Variants in PI4KA observed in about 807,000 individuals in gnomAD.
PI4KA encodes PI4-kinase alpha.
A neutral mutation model predicts 271.4 loss-of-function variants in PI4KA; 122 were observed. The observed-to-expected ratio is 0.45, with a 90% CI of 0.39 to 0.52. The LOEUF (loss-of-function observed/expected upper bound fraction) is 0.52. Among genes scored for constraint, PI4KA ranks in the 20% least tolerant of loss-of-function variants. The pLI is 0.00. For missense variants in PI4KA, 1,969 were observed against 2,769.1 expected (o/e 0.71, Z 6.48); for synonymous variants, 1,041 against 1,078.8 (o/e 0.96, Z 0.69).
At chr22:20,730,407 TG>T (rs1422719381) in intron 36 of PI4KA, among the ~76,000 whole-genome samples, 1 of 151,870 alleles carries the variant, frequency 6.6e-6, no homozygotes, top group Non-Finnish European at 1.5e-5. Flanking sequence ...CCCAAGTAGC[TG>T]GGATTACAGG....
chr22:20,827,527 T>C (rs553647545), intron 3 of PI4KA, among the ~76,000 whole-genome samples: 2 of 152,314 alleles, frequency 1.3e-5, no homozygotes, highest in South Asian at 2.1e-4. Context: ...ACCTTAGTTA[T>C]TCAGGCTCTT....
At chr22:20,815,379 C>CAAAAA (rs361826) in intron 7 of PI4KA, among the ~76,000 whole-genome samples, 253 of 83,168 alleles carry the variant, frequency 3.0e-3, no homozygotes, top group Non-Finnish European at 3.9e-3. Context: ...GACTGCGTCT[C>CAAAAA]AAAAAAAAAA....
At position 20,769,167 on chromosome 22, in the gene PI4KA, G is replaced by A. The variant is rs117812827; in HGVS notation, c.2329-3474C>T. ...TGGCTGGGAAGTTCAAAGTGGTTTTGACACAGAAAAGAGGAAGTAAGTGGA... is the reference window on the plus strand; with the variant it reads ...TGGCTGGGAAGTTCAAAGTGGTTTTAACACAGAAAAGAGGAAGTAAGTGGA... On this transcript the variant is annotated intron_variant, in intron 19 of 54. Transcript: ENST00000255882. Among the ~76,000 whole-genome samples, 883 of 152,308 alleles carry A rather than the reference G, an allele frequency of 5.8e-3. 8 individuals are homozygous for A. The highest frequency in any genetic ancestry group is 0.056 in the East Asian group (288 of 5,178).
chr22:20,727,424 G>A, intron 40 of PI4KA, 27 bp from the exon 41 acceptor site: 1 of 1,576,028 alleles, frequency 6.3e-7, no homozygotes, highest in Non-Finnish European at 8.6e-7. Flanking sequence ...GAGATGCTGT[G>A]GCTTGGGCAG....
Position 20,709,957 on chromosome 22 carries a change from A to G in PI4KA, c.6124T>C (p.Leu2042=), listed in dbSNP as rs1468001127. ...DAVVSLVTLM[L]DTGLPCFRGQ... is the part of the protein sequence containing the mutation. ...CGAAAACAGGGCAGGCCCGTGTCCAACATGAGAGTGACCAGGGAGACGACC... is the reference window on the plus strand; with the variant it reads ...CGAAAACAGGGCAGGCCCGTGTCCAGCATGAGAGTGACCAGGGAGACGACC... Residue 2042 remains leucine, a synonymous_variant, in exon 53 of 55, where the codon TTG becomes CTG. Transcript: ENST00000255882. 2 of 1,613,690 alleles carry G rather than the reference A, an allele frequency of 1.2e-6. No individual in the cohort carries two copies. The highest frequency in any genetic ancestry group is 1.7e-6 in the Non-Finnish European group (2 of 1,179,752).
rs749404681 is a variant in PI4KA at position 20,742,223 on chromosome 22, C to T, written c.3741+5G>A. The T allele has an allele frequency of 1.9e-6, 3 of 1,613,562 alleles. No homozygotes were observed. The East Asian group carries it at 6.7e-5, about 36-fold the overall frequency. ...CTCACTGCCAACCCGAGGTCAGGGT[C>T]CTACCGGCACTTCCACTCCATCCTT... On this transcript the variant is annotated splice_donor_5th_base_variant and intron_variant, in intron 32 of 54. Transcript: ENST00000255882.
At chr22:20,811,125 G>A (rs1449731829) in intron 8 of PI4KA, 93 bp from the exon 9 acceptor site, 1 of 903,430 alleles carries the variant, frequency 1.1e-6, no homozygotes, top group Non-Finnish European at 1.9e-6. Context: ...AAACTCACAT[G>A]GTGAAAAATG....
intron 28 of PI4KA, among the ~76,000 whole-genome samples, chr22:20,748,547 CA>C (rs1930355124): frequency 6.6e-6 from 1 of 152,176 alleles, no homozygotes; most frequent in South Asian, 2.1e-4. Context: ...CTGGGGACCA[CA>C]GGGGGCTCAG....
chr22:20,764,673 G>C, intron 22 of PI4KA, 144 bp downstream of exon 22: 1 of 766,928 alleles, frequency 1.3e-6, no homozygotes, highest in Non-Finnish European at 2.0e-6. Flanking sequence ...TACGAGAAAA[G>C]TAGAGGGTGT....
At chr22:20,768,383 T>C (rs1456236756) in intron 19 of PI4KA, among the ~76,000 whole-genome samples, 3 of 152,162 alleles carry the variant, frequency 2.0e-5, no homozygotes, top group Non-Finnish European at 2.9e-5. Flanking sequence ...AGAATCATAT[T>C]TTCTAAGACT....
chr22:20,856,361 C>T (rs1927595815), intron 1 of PI4KA, among the ~76,000 whole-genome samples: 1 of 151,954 alleles, frequency 6.6e-6, no homozygotes, highest in African/African-American at 2.4e-5. Context: ...GACTGAAGTA[C>T]TTCCTAAAGT....
At chr22:20,792,911 A>G (rs1934743775) in intron 19 of PI4KA, among the ~76,000 whole-genome samples, 1 of 152,222 alleles carries the variant, frequency 6.6e-6, no homozygotes, top group Non-Finnish European at 1.5e-5. Flanking sequence ...AGTCAGATTT[A>G]GGACCTGGGA....
At chr22:20,828,338 C>T (rs1923711506) in intron 3 of PI4KA, among the ~76,000 whole-genome samples, 1 of 152,048 alleles carries the variant, frequency 6.6e-6, no homozygotes, top group Non-Finnish European at 1.5e-5. Flanking sequence ...TATCTGGATG[C>T]CTTTTATTTC....
intron 23 of PI4KA, among the ~76,000 whole-genome samples, chr22:20,758,582 C>T (rs1242154332): frequency 6.6e-6 from 1 of 150,688 alleles, no homozygotes; most frequent in Non-Finnish European, 1.5e-5. Flanking sequence ...CACCCCTGGT[C>T]TAGCACAAAA....
At chr22:20,781,321 G>A (rs1465894691) in intron 19 of PI4KA, among the ~76,000 whole-genome samples, 1 of 152,210 alleles carries the variant, frequency 6.6e-6, no homozygotes, top group Admixed American at 6.5e-5. Flanking sequence ...CACGAGGAAT[G>A]GTTCGGCTTC....
In PI4KA at chr22:20,742,366, A is replaced by T. The variant is rs1420787659; in HGVS notation, c.3614-11T>A. 6.2e-7 allele frequency: 1 copy of T among 1,612,900 alleles called. No individual in the cohort carries two copies. Among genetic ancestry groups the T allele is most frequent in the Non-Finnish European group, 8.5e-7 (1 of 1,179,292 alleles). ...GCTGCGGGTCACAATCTGGAACCAAACACACGTCAGTCAGAGGCCTCCAAC... is the reference window on the plus strand; with the variant it reads ...GCTGCGGGTCACAATCTGGAACCAATCACACGTCAGTCAGAGGCCTCCAAC... On this transcript the variant is annotated splice_polypyrimidine_tract_variant and intron_variant, in intron 31 of 54. Coordinates refer to ENST00000255882, the MANE Select transcript of PI4KA (RefSeq NM_058004.4).
intron 23 of PI4KA, among the ~76,000 whole-genome samples, chr22:20,758,153 C>T (rs1296880636): frequency 6.6e-6 from 1 of 151,852 alleles, no homozygotes; most frequent in Non-Finnish European, 1.5e-5. Flanking sequence ...ATCACGAGGT[C>T]AGGAGATCGA....
rs145057830 is a variant in PI4KA, at chr22:20,817,248, T to C, written c.856+1235A>G. On this transcript the variant is annotated intron_variant, in intron 7 of 54. Transcript: ENST00000255882. ...GACATGCTCTTTTAACAAATAGCAT[T>C]ATTCAAAAAAGGAGAGACTATACTG... Among the ~76,000 whole-genome samples the C allele has an allele frequency of 2.2e-3, 331 of 152,234 alleles. 1 individual carries two copies. The highest frequency in any genetic ancestry group is 7.9e-3 in the African/African-American group (329 of 41,542).
At chr22:20,770,943 G>A (rs987635066) in intron 19 of PI4KA, among the ~76,000 whole-genome samples, 1 of 152,162 alleles carries the variant, frequency 6.6e-6, no homozygotes, top group Non-Finnish European at 1.5e-5. Flanking sequence ...TCTTTGGGAG[G>A]CCAAGGTGGG....
Sources: gnomAD v4.1 joint callset for allele counts (sites outside exome capture counted in the v4.1 genomes callset) on GRCh38, gnomAD v4.1.1 for gene constraint, MANE v1.5 for transcripts, NCBI Gene and HGNC (gene_info 2026-07-23, HGNC 2026-07-21) for gene names.